The following SLC4A5 variants were observed in gnomAD, a reference collection of about 807,000 sequenced individuals.
SLC4A5 encodes solute carrier family 4 member 5, also known as electrogenic sodium bicarbonate cotransporter 4.
A neutral mutation model predicts 120.4 loss-of-function variants in SLC4A5; 96 were observed. That is an observed-to-expected ratio of 0.80 (90% CI 0.68 to 0.94). SLC4A5 has a LOEUF of 0.94. Ranked by LOEUF, SLC4A5 falls within the 40% of genes least tolerant of loss-of-function variation. The pLI is 0.00. For missense variants in SLC4A5, 1,259 were observed against 1,459.5 expected (o/e 0.86, Z 2.24); for synonymous variants, 550 against 571.1 (o/e 0.96, Z 0.53).
At chr2:74,323,535 G>A (rs1423906649) in intron 5 of SLC4A5, among the ~76,000 whole-genome samples, 1 of 151,970 alleles carries the variant, frequency 6.6e-6, no homozygotes, top group Non-Finnish European at 1.5e-5. Context: ...AAATCAATCA[G>A]TCCTCAAAAG....
At chr2:74,332,355 T>C (rs747487337) in intron 4 of SLC4A5, among the ~76,000 whole-genome samples, 17 of 152,312 alleles carry the variant, frequency 1.1e-4, no homozygotes, top group Non-Finnish European at 1.8e-4. Context: ...TCTGGTCAGA[T>C]GTTGGGACTC....
At chr2:74,220,075 A>G (rs1694575392) in intron 30 of SLC4A5, among the ~76,000 whole-genome samples, 1 of 152,232 alleles carries the variant, frequency 6.6e-6, no homozygotes, top group South Asian at 2.1e-4. Context: ...CCTGTGCTGT[A>G]ATTACTGTTT....
chr2:74,313,089 T>C (rs570298105), intron 6 of SLC4A5, among the ~76,000 whole-genome samples: 2 of 150,706 alleles, frequency 1.3e-5, no homozygotes, highest in African/African-American at 4.9e-5. Context: ...CTTGCTGTGT[T>C]GCCCAGGCTG....
At position 74,248,492 on chromosome 2, in the gene SLC4A5, G is replaced by A; in HGVS notation, c.1654-6C>T. ...AGGAAGCTCTCCATCACTCCCTGGGGGCACAAGGAATGTGTGGTTCAGCAT... is the reference window on the plus strand; with the variant it reads ...AGGAAGCTCTCCATCACTCCCTGGGAGCACAAGGAATGTGTGGTTCAGCAT... On this transcript the variant is annotated splice_region_variant and splice_polypyrimidine_tract_variant and intron_variant, in intron 17 of 30. Transcript: ENST00000394019. 6.2e-7 allele frequency: 1 copy of A among 1,613,798 alleles called. No individual in the cohort carries two copies. The highest frequency in any genetic ancestry group is 1.7e-5 in the Admixed American group (1 of 59,966).
chr2:74,220,344 A>AGCTTTGATGTTGATCTCTGATGTTG (rs1254024890), intron 30 of SLC4A5, among the ~76,000 whole-genome samples: 1 of 152,050 alleles, frequency 6.6e-6, no homozygotes, highest in African/African-American at 2.4e-5. Flanking sequence ...CTCTGATGTT[A>AGCTTTGATGTTGATCTCTGATGTTG]GCTTTGATGT....
At chr2:74,228,591 C>CTGAA (rs1334733004) in intron 25 of SLC4A5, among the ~76,000 whole-genome samples, 1 of 152,106 alleles carries the variant, frequency 6.6e-6, no homozygotes, top group Non-Finnish European at 1.5e-5. Context: ...GATCGTGCTA[C>CTGAA]TGAACTCCAG....
chr2:74,248,757 C>A (rs1670698939), intron 17 of SLC4A5, among the ~76,000 whole-genome samples: 1 of 152,236 alleles, frequency 6.6e-6, no homozygotes, highest in African/African-American at 2.4e-5. Flanking sequence ...ATGTGCTTTT[C>A]TCTGTGTCCA....
intron 5 of SLC4A5, among the ~76,000 whole-genome samples, chr2:74,319,044 A>G (rs1673032051): frequency 6.6e-6 from 1 of 152,196 alleles, no homozygotes; most frequent in South Asian, 2.1e-4. Context: ...ATAGAAAATG[A>G]AATCATGTCT....
At chr2:74,281,913 G>A (rs1671826746) in intron 8 of SLC4A5, among the ~76,000 whole-genome samples, 1 of 152,192 alleles carries the variant, frequency 6.6e-6, no homozygotes, top group Admixed American at 6.5e-5. Flanking sequence ...CTGAGTGTCT[G>A]TGTGAGGGGC....
chr2:74,227,567 G>T, intron 26 of SLC4A5: 3 of 1,602,570 alleles, frequency 1.9e-6, no homozygotes, highest in Non-Finnish European at 2.6e-6. Flanking sequence ...GTCCCCATCT[G>T]TAAAATGGGG....
intron 11 of SLC4A5, among the ~76,000 whole-genome samples, chr2:74,261,249 C>G (rs1324426701): frequency 6.6e-6 from 1 of 152,238 alleles, no homozygotes; most frequent in Non-Finnish European, 1.5e-5. Context: ...ACAATGATAA[C>G]TGAGTGGAAG....
intron 11 of SLC4A5, among the ~76,000 whole-genome samples, chr2:74,260,408 T>C (rs377325257): frequency 3.0e-4 from 46 of 152,084 alleles, no homozygotes; most frequent in African/African-American, 1.0e-3. Context: ...TCTCCGCTGG[T>C]CAATCGCTCC....
intron 19 of SLC4A5, among the ~76,000 whole-genome samples, chr2:74,246,491 A>G (rs1007023782): frequency 3.3e-5 from 5 of 152,180 alleles, no homozygotes; most frequent in Admixed American, 2.0e-4. Context: ...TCTCATATTC[A>G]TAAGAGGCTG....
chr2:74,288,964 G>T (rs998397308), intron 7 of SLC4A5, among the ~76,000 whole-genome samples: 2 of 152,168 alleles, frequency 1.3e-5, no homozygotes, highest in Non-Finnish European at 2.9e-5. Flanking sequence ...GGACACTAAT[G>T]TCTTTCATTT....
intron 10 of SLC4A5, 137 bp downstream of exon 10, chr2:74,264,010 G>C: frequency 8.6e-7 from 1 of 1,163,676 alleles, no homozygotes; most frequent in South Asian, 1.6e-5. Flanking sequence ...AGGCCTGCCA[G>C]AGAAGGAGGC....
At chr2:74,258,911 C>T (rs375048645) in intron 12 of SLC4A5, among the ~76,000 whole-genome samples, 1 of 152,198 alleles carries the variant, frequency 6.6e-6, no homozygotes, top group Non-Finnish European at 1.5e-5. Context: ...CTCGCCAAGT[C>T]TCAGGTTTCC....
chr2:74,338,751 T>G (rs1476838894), intron 3 of SLC4A5, 104 bp downstream of exon 3: 2 of 152,064 alleles, frequency 1.3e-5, no homozygotes, highest in Non-Finnish European at 1.5e-5. Context: ...TAGGCAGAGG[T>G]TGTGGTGAGC....
intron 7 of SLC4A5, among the ~76,000 whole-genome samples, chr2:74,299,696 T>C (rs1337492351): frequency 1.3e-5 from 2 of 152,164 alleles, no homozygotes; most frequent in African/African-American, 4.8e-5. Flanking sequence ...CCTGTTAGAA[T>C]GGCTACAAAA....
intron 7 of SLC4A5, among the ~76,000 whole-genome samples, chr2:74,304,006 C>T (rs1365097696): frequency 5.9e-5 from 9 of 151,848 alleles, no homozygotes; most frequent in African/African-American, 1.9e-4. Flanking sequence ...CCCGCCACTA[C>T]GCCCGGCTAA....
Sources: allele counts gnomAD v4.1 joint callset (sites outside exome capture counted in the v4.1 genomes callset), GRCh38; gene constraint gnomAD v4.1.1; transcripts MANE v1.5; gene names NCBI Gene and HGNC (gene_info 2026-07-23, HGNC 2026-07-21).